The following DMD variants were observed in gnomAD, a reference collection of about 807,000 sequenced individuals.
The protein encoded by DMD is mutant dystrophin.
In DMD, 63 loss-of-function variants were observed where a neutral mutation model predicts 330.1. That is an observed-to-expected ratio of 0.19 (90% CI 0.16 to 0.24). The LOEUF is 0.24. Ranked by LOEUF, DMD falls within the 10% of genes least tolerant of loss-of-function variation. The pLI is 1.00. For synonymous variants in DMD, 1,223 were observed against 959.8 expected, an observed-to-expected ratio of 1.27 and a Z score of -5.07; for missense variants, 3,344 against 2,684.1, an observed-to-expected ratio of 1.25 and a Z score of -5.43.
At chrX:32,818,917 T>C (rs2077980312) in intron 5 of DMD, among the ~76,000 whole-genome samples, 1 of 109,955 alleles carries the variant, frequency 9.1e-6, no homozygotes, top group Admixed American at 9.8e-5. Context: ...AAGTTGTCTA[T>C]GGGGTTTGAA....
chrX:33,121,134 AT>A (rs1260063755), intron 1 of DMD, among the ~76,000 whole-genome samples: 1 of 110,590 alleles, frequency 9.0e-6, no homozygotes, highest in Non-Finnish European at 1.9e-5. Context: ...CCACATTGCC[AT>A]TTATCAATAT....
intron 51 of DMD, among the ~76,000 whole-genome samples, chrX:31,768,706 G>A (rs965239033): frequency 3.6e-5 from 4 of 112,017 alleles, no homozygotes; most frequent in Non-Finnish European, 7.5e-5. Flanking sequence ...AACAGAAAAA[G>A]CATTTTTTAA....
chrX:32,747,748 G>A (rs2070242729), intron 7 of DMD, among the ~76,000 whole-genome samples: 1 of 110,477 alleles, frequency 9.1e-6, no homozygotes, highest in Non-Finnish European at 1.9e-5. Context: ...CAAAGTGCTG[G>A]GACTACAGGT....
chrX:32,524,192 C>T (rs2148840959), intron 17 of DMD, among the ~76,000 whole-genome samples: 1 of 111,604 alleles, frequency 9.0e-6, no homozygotes, highest in Admixed American at 9.5e-5. Flanking sequence ...CCTCGGCCTC[C>T]CAAAGTGCTG....
intron 2 of DMD, among the ~76,000 whole-genome samples, chrX:33,016,559 T>C (rs1214966031): frequency 9.0e-6 from 1 of 111,482 alleles, no homozygotes; most frequent in Non-Finnish European, 1.9e-5. Flanking sequence ...TATCATATCA[T>C]GGGCTTTTGT....
At chrX:32,904,561 T>G (rs2086573021) in intron 2 of DMD, among the ~76,000 whole-genome samples, 1 of 111,725 alleles carries the variant, frequency 9.0e-6, no homozygotes, top group South Asian at 3.7e-4. Flanking sequence ...ACATTAAAAA[T>G]GGTTCTTTTC....
intron 65 of DMD, among the ~76,000 whole-genome samples, chrX:31,209,181 T>G (rs1168671243): frequency 2.7e-5 from 3 of 111,187 alleles, no homozygotes; most frequent in Non-Finnish European, 5.7e-5. Flanking sequence ...ACCCCTGAAG[T>G]GCATGGAAGA....
At chrX:31,191,366 C>T in intron 67 of DMD, among the ~76,000 whole-genome samples, 1 of 111,452 alleles carries the variant, frequency 9.0e-6, no homozygotes, top group Non-Finnish European at 1.9e-5. Context: ...GTGGGCAAAC[C>T]ACAGATTTTT....
Position 32,312,882 on chromosome X carries a change from T to G in DMD, c.5923-2606A>C, listed in dbSNP as rs1303033027. ...CTCCCAAGACTAAACCAGGAAGAAGTTGAATCCCTGAATAGACCAATAACA... is the reference window on the plus strand; with the variant it reads ...CTCCCAAGACTAAACCAGGAAGAAGGTGAATCCCTGAATAGACCAATAACA... On this transcript the variant is annotated intron_variant, in intron 41 of 78. Coordinates refer to ENST00000357033, the MANE Select transcript of DMD (RefSeq NM_004006.3). Among the ~76,000 whole-genome samples the G allele has an allele frequency of 3.1e-5, 3 of 96,340 alleles. No individual in the cohort carries two copies. In the South Asian group the frequency reaches 1.7e-3, roughly 53 times the overall value. 83.7% of individuals were successfully genotyped at this position (96,340 alleles called of 115,157 possible).
At chrX:32,890,134 A>T (rs191411766) in intron 2 of DMD, among the ~76,000 whole-genome samples, 1 of 111,434 alleles carries the variant, frequency 9.0e-6, no homozygotes, top group Admixed American at 9.6e-5. Flanking sequence ...AATAAATCAG[A>T]CAACAATTAA....
chrX:31,716,991 C>T (rs1208181436), intron 52 of DMD, among the ~76,000 whole-genome samples: 5 of 110,571 alleles, frequency 4.5e-5, no homozygotes, highest in Non-Finnish European at 9.5e-5. Flanking sequence ...GGATTAAATC[C>T]TGGTTCCGCT....
At chrX:31,323,744 A>G in intron 61 of DMD, 86 bp from the exon 62 acceptor site, 1 of 830,160 alleles carries the variant, frequency 1.2e-6, no homozygotes, top group Non-Finnish European at 1.8e-6. Context: ...CAGAATTACA[A>G]TTTTACACTG....
intron 62 of DMD, among the ~76,000 whole-genome samples, chrX:31,314,779 A>AGAGAGAGAGAGAGAGT (rs1225831523): frequency 0.033 from 3,079 of 93,118 alleles, 126 homozygotes; most frequent in African/African-American, 0.097. Flanking sequence ...AGAGAGAGAG[A>AGAGAGAGAGAGAGAGT]GTGTTTTACC....
At chrX:31,325,205 T>G (rs975902774) in intron 61 of DMD, among the ~76,000 whole-genome samples, 10 of 111,104 alleles carry the variant, frequency 9.0e-5, no homozygotes, top group Non-Finnish European at 1.7e-4. Flanking sequence ...ATCTTTGCCT[T>G]TCTCATTCTC....
chrX:33,034,975 T>C (rs957536595), intron 1 of DMD, among the ~76,000 whole-genome samples: 2 of 111,811 alleles, frequency 1.8e-5, no homozygotes, highest in Non-Finnish European at 3.8e-5. Context: ...GGGCTTTCAA[T>C]ACGACTATGG....
intron 1 of DMD, among the ~76,000 whole-genome samples, chrX:33,165,705 A>G (rs1275383181): frequency 8.9e-6 from 1 of 111,850 alleles, no homozygotes; most frequent in Non-Finnish European, 1.9e-5. Flanking sequence ...CTTTCAGTAC[A>G]TATTTATACA....
Position 32,454,680 on chromosome X carries a change from T to A in DMD, c.3585A>T (p.Lys1195Asn). The change falls in exon 26 of 79, where the codon AAA becomes AAT. Residue 1195 changes from lysine (K) to asparagine (N), a missense_variant. Physicochemically the swap from Lys to Asn is moderately conservative, Grantham distance 94. Transcript: ENST00000357033. The part of the protein sequence containing the change: ...FEYKTPDELQ[K>N]AVEEMKRAKE... ...TTTTTACCTTCATCTCTTCAACTGC[T>A]TTCTGTAATTCATCTGGAGTTTTAT... 1 of 1,188,454 alleles carries A rather than the reference T, an allele frequency of 8.4e-7. No homozygotes were observed. Among genetic ancestry groups the A allele is most frequent in the East Asian group, 3.0e-5 (1 of 33,481 alleles).
intron 41 of DMD, 53 bp from the exon 42 acceptor site, chrX:32,310,329 C>T (rs1474316682): frequency 3.0e-6 from 3 of 1,001,324 alleles, no homozygotes; most frequent in African/African-American, 3.8e-5. Flanking sequence ...ACAGTGAAAC[C>T]TCCTCCATTA....
chrX:32,222,369 C>G (rs769331241), intron 43 of DMD, among the ~76,000 whole-genome samples: 15 of 111,495 alleles, frequency 1.3e-4, no homozygotes, highest in Non-Finnish European at 1.9e-4. Context: ...CCTGAAGGAA[C>G]TAGAGAATCA....
Sources: allele counts gnomAD v4.1 joint callset (sites outside exome capture counted in the v4.1 genomes callset), GRCh38; gene constraint gnomAD v4.1.1; transcripts MANE v1.5; gene names NCBI Gene and HGNC (gene_info 2026-07-23, HGNC 2026-07-21).